Variants in ZNF436 observed in about 807,000 individuals in gnomAD.
ZNF436 encodes the protein zinc finger protein 436, also known as DNA-binding protein.
In ZNF436, 22 loss-of-function variants were observed where a neutral mutation model predicts 41.9. The ratio of observed to expected loss-of-function variants is 0.53; its 90% CI spans 0.38 to 0.75. ZNF436 has a LOEUF of 0.75. ZNF436 is among the 30% of genes least tolerant of loss of function. The pLI is 0.00. For synonymous variants in ZNF436, 217 were observed against 197.8 expected (o/e 1.10, Z -0.82); for missense variants, 506 against 587.3 (o/e 0.86, Z 1.43).
chr1:23,365,767 A>G (rs935427820), intron 3 of ZNF436, among the ~76,000 whole-genome samples: 1 of 151,846 alleles, frequency 6.6e-6, no homozygotes, highest in African/African-American at 2.4e-5. Context: ...AAATAAAAAG[A>G]ATTAGCCGGG....
chr1:23,369,283 G>A, intron 1 of ZNF436, 83 bp downstream of exon 1: 2 of 486,688 alleles, frequency 4.1e-6, no homozygotes, highest in Non-Finnish European at 8.7e-6. Flanking sequence ...GCCCTGATCC[G>A]GGCGGGCCTT....
At position 23,369,535 on chromosome 1, in the gene ZNF436, T is replaced by A. The variant is rs147377149; in HGVS notation, c.-230A>T. 1.9e-6 allele frequency: 1 copy of A among 532,106 alleles called. No individual in the cohort carries two copies. Among genetic ancestry groups the A allele is most frequent in the Non-Finnish European group, 3.9e-6 (1 of 258,550 alleles). 33.0% of individuals were successfully genotyped at this position (532,106 alleles called of 1,614,324 possible). A position where few individuals can be genotyped will look rare whatever the true frequency, so the allele number is the denominator to read the frequency against. On this transcript the variant is annotated 5_prime_UTR_variant, in exon 1 of 4. It adds an upstream start codon to the 5' untranslated region. Transcript: ENST00000314011. ...GCAGGTAGATCTCGAATTCGTAGAC[T>A]TGCAGGCGAAGCCCAGATATCGTAG...
intron 3 of ZNF436, among the ~76,000 whole-genome samples, chr1:23,364,686 T>A (rs1362991148): frequency 6.6e-6 from 1 of 152,256 alleles, no homozygotes; most frequent in Non-Finnish European, 1.5e-5. Flanking sequence ...AAAAGATGTC[T>A]GGCTGAGAAC....
rs1646996611 is a variant in ZNF436, at chr1:23,361,457, T to C, written c.*512A>G. 1 of 153,144 alleles carries C rather than the reference T, an allele frequency of 6.5e-6. No individual in the cohort carries two copies. Among genetic ancestry groups the C allele is most frequent in the Admixed American group, 6.5e-5 (1 of 15,332 alleles). The allele number at this position is 153,144 out of a possible 1,614,324, so 9.5% of individuals were successfully genotyped here. ...CTTGCCCTCAGGAAGATGGAAAAGATACAAATGCATGAGCAACTCAAGGAA... is the reference window on the plus strand; with the variant it reads ...CTTGCCCTCAGGAAGATGGAAAAGACACAAATGCATGAGCAACTCAAGGAA... On this transcript the variant is annotated 3_prime_UTR_variant, in exon 4 of 4. Coordinates refer to ENST00000314011, the MANE Select transcript of ZNF436 (RefSeq NM_001077195.2).
chr1:23,367,209 A>T, intron 2 of ZNF436, 41 bp from the exon 3 acceptor site: 1 of 1,539,060 alleles, frequency 6.5e-7, no homozygotes, highest in Non-Finnish European at 8.8e-7. Context: ...TGTATTTAGG[A>T]CTTCTTGAAA....
At chr1:23,365,865 T>C (rs968502880) in intron 3 of ZNF436, among the ~76,000 whole-genome samples, 4 of 147,462 alleles carry the variant, frequency 2.7e-5, no homozygotes, top group African/African-American at 7.5e-5. Context: ...CTGCAATGAG[T>C]TGTGATCGTG....
chr1:23,368,774 G>A (rs897256199), intron 1 of ZNF436, among the ~76,000 whole-genome samples: 2 of 152,194 alleles, frequency 1.3e-5, no homozygotes, highest in African/African-American at 2.4e-5. Flanking sequence ...GTTGAGCTGA[G>A]CTAGAATGAG....
chr1:23,368,262 G>C (rs1638409678), intron 1 of ZNF436, 197 bp from the exon 2 acceptor site: 1 of 519,980 alleles, frequency 1.9e-6, no homozygotes, highest in Non-Finnish European at 3.4e-6. Flanking sequence ...AATCTACTAG[G>C]ACAGCCCCCT....
At position 23,369,726 on chromosome 1, in the gene ZNF436, C is replaced by T. The variant is rs769817612; in HGVS notation, c.-421G>A. 9.8e-6 allele frequency: 4 copies of T among 408,494 alleles called. No individual in the cohort carries two copies. The highest frequency in any genetic ancestry group is 5.7e-5 in the South Asian group (3 of 52,524). 25.3% of individuals were successfully genotyped at this position (408,494 alleles called of 1,614,324 possible). ...CGGAACGGGAGGACTCGCAGCTCTCCCTTTCCCCAGCCAGGATGAGGGAAT... is the reference window on the plus strand; with the variant it reads ...CGGAACGGGAGGACTCGCAGCTCTCTCTTTCCCCAGCCAGGATGAGGGAAT... On this transcript the variant is annotated 5_prime_UTR_variant, in exon 1 of 4. Transcript: ENST00000314011.
At position 23,360,280 on chromosome 1, in the gene ZNF436, C is replaced by G. The variant is rs1448473979; in HGVS notation, c.*1689G>C. 1 of 152,248 alleles carries G rather than the reference C, an allele frequency of 6.6e-6. No homozygotes were observed. Among genetic ancestry groups the G allele is most frequent in the African/African-American group, 2.4e-5 (1 of 41,466 alleles). The allele number at this position is 152,248 out of a possible 1,614,324, so 9.4% of individuals were successfully genotyped here. On this transcript the variant is annotated 3_prime_UTR_variant, in exon 4 of 4. Transcript: ENST00000314011. Reference sequence around the variant, plus strand: ...TTATAGTACCCACCCAGAGAGACCACTGGCTCCTTTAACACCAAGTCCTAA... The same window carrying G: ...TTATAGTACCCACCCAGAGAGACCAGTGGCTCCTTTAACACCAAGTCCTAA...
chr1:23,363,329 C>T lies in ZNF436; in HGVS notation c.161-108G>A, dbSNP rs1322888381. 4 of 903,332 alleles carry T rather than the reference C, an allele frequency of 4.4e-6. No individual in the cohort carries two copies. The African/African-American group carries it at 6.8e-5, about 15-fold the overall frequency. The allele number at this position is 903,332 out of a possible 1,614,324, so 56.0% of individuals were successfully genotyped here. On this transcript the variant is annotated intron_variant, in intron 3 of 3. Transcript: ENST00000314011. ...TTTTAGACAGAGTCTCACTGTGTTG[C>T]CTTGGCTGGAGTGCAGTGGTGTGAT...
chr1:23,363,195 C>T lies in ZNF436; in HGVS notation c.187G>A (p.Val63Ile). ...TCACTAATCTCTTGCTTGGGATTTA[C>T]CTCGTTCTCACTCCTGATCTCAAAA... ...LDFEIRSENE[V>I]NPKQEISEDV... Residue 63 changes from valine to isoleucine, a missense_variant, in exon 4 of 4, where the codon GTA becomes ATA. By Grantham distance (29) the Val-to-Ile change is conservative (BLOSUM62 3). Around this residue, in one of 2 missense-constraint regions of ZNF436, gnomAD observed 228 missense variants for 215.1 expected, o/e 1.06. Transcript: ENST00000314011. 6.2e-7 allele frequency: 1 copy of T among 1,613,076 alleles called. No individual in the cohort carries two copies.
chr1:23,368,363 T>G, intron 1 of ZNF436: 1 of 244,154 alleles, frequency 4.1e-6, no homozygotes, highest in Non-Finnish European at 8.1e-6. Context: ...CGCTCTGCCA[T>G]CTCGAGGCCG....
intron 1 of ZNF436, 88 bp from the exon 2 acceptor site, chr1:23,368,153 G>T: frequency 1.1e-6 from 1 of 881,868 alleles, no homozygotes; most frequent in Non-Finnish European, 1.8e-6. Flanking sequence ...AAGGCGGGCA[G>T]GGAGGGCCCT....
At position 23,367,983 on chromosome 1, in the gene ZNF436, G is replaced by A; in HGVS notation, c.23C>T (p.Ala8Val). Residue 8 changes from alanine (A) to valine (V), a missense_variant, in exon 2 of 4, where the codon GCT becomes GTT. Ala to Val is a moderately conservative substitution (Grantham distance 64, BLOSUM62 0). Transcript: ENST00000314011. MAATLLM[A>V]GSQAPVTFED... ...CCACCTCCGGCTTACCTGGGACCCA[G>A]CCATGAGCAGGGTGGCTGCCATCTC... 6.2e-7 allele frequency: 1 copy of A among 1,614,152 alleles called. No homozygotes were observed. Among genetic ancestry groups the A allele is most frequent in the Non-Finnish European group, 8.5e-7 (1 of 1,180,020 alleles).
At chr1:23,364,831 A>T (rs938509721) in intron 3 of ZNF436, among the ~76,000 whole-genome samples, 2 of 152,248 alleles carry the variant, frequency 1.3e-5, no homozygotes, top group Non-Finnish European at 2.9e-5. Flanking sequence ...CTCTTCAGAA[A>T]GAAAGTATGT....
intron 3 of ZNF436, among the ~76,000 whole-genome samples, chr1:23,366,321 C>T (rs900605649): frequency 2.0e-5 from 3 of 150,602 alleles, no homozygotes; most frequent in Non-Finnish European, 4.4e-5. Context: ...GACCCATACA[C>T]GCTTGCTAAT....
rs1303811001 is a variant in ZNF436 at position 23,362,632 on chromosome 1, A to G, written c.750T>C (p.Tyr250=). 2 of 1,614,068 alleles carry G rather than the reference A, an allele frequency of 1.2e-6. No individual in the cohort carries two copies. Among genetic ancestry groups the G allele is most frequent in the Non-Finnish European group, 1.7e-6 (2 of 1,180,038 alleles). ...HQRTHSGEKP[Y]ECEECGKSFS... ...AGCTTTTCCCACACTCCTCACACTC[A>G]TAGGGTTTCTCACCACTGTGGGTCC... Residue 250 remains tyrosine (Y), a synonymous_variant, in exon 4 of 4, where the codon TAT becomes TAC. Coordinates refer to ENST00000314011, the MANE Select transcript of ZNF436 (RefSeq NM_001077195.2).
At chr1:23,366,839 G>A (rs1014367653) in intron 3 of ZNF436, among the ~76,000 whole-genome samples, 1 of 152,240 alleles carries the variant, frequency 6.6e-6, no homozygotes, top group Non-Finnish European at 1.5e-5. Context: ...GAACGTCTAA[G>A]ACGTGCAGAA....
Sources: allele counts gnomAD v4.1 joint callset (sites outside exome capture counted in the v4.1 genomes callset), GRCh38; gene constraint gnomAD v4.1.1; regional missense constraint gnomAD v4.1.1; transcripts MANE v1.5; gene names NCBI Gene and HGNC (gene_info 2026-07-23, HGNC 2026-07-21).